SLC22A25: variants seen among roughly 807,000 people sequenced by gnomAD.
SLC22A25 encodes the protein solute carrier family 22 member 25.
A neutral mutation model predicts 45.9 loss-of-function variants in SLC22A25; 44 were observed. That is an observed-to-expected ratio of 0.96 (90% CI 0.75 to 1.23). The LOEUF (loss-of-function observed/expected upper bound fraction) is 1.23, where lower values mean the gene tolerates loss of function less well. Ranked by LOEUF, SLC22A25 falls within the 50% of genes most tolerant of loss-of-function variation. The pLI is 0.00. For missense variants in SLC22A25, 800 were observed against 666.4 expected, an observed-to-expected ratio of 1.20 and a Z score of -2.21; for synonymous variants, 283 against 238.6, an observed-to-expected ratio of 1.19 and a Z score of -1.72.
intron 3 of SLC22A25, among the ~76,000 whole-genome samples, chr11:63,236,655 C>T (rs1203416465): frequency 6.6e-6 from 1 of 152,004 alleles, no homozygotes; most frequent in Non-Finnish European, 1.5e-5. Context: ...CTGTCCTGCA[C>T]CCACTGTCCC....
chr11:63,226,142 G>A (rs558290498), intron 5 of SLC22A25, among the ~76,000 whole-genome samples: 19 of 151,996 alleles, frequency 1.3e-4, no homozygotes, highest in African/African-American at 4.1e-4. Flanking sequence ...TTGGTCCCTG[G>A]TACCTTATTT....
chr11:63,189,234 T>A (rs1276807279), intron 7 of SLC22A25, among the ~76,000 whole-genome samples: 1 of 152,208 alleles, frequency 6.6e-6, no homozygotes, highest in African/African-American at 2.4e-5. Flanking sequence ...TACTCCTGTA[T>A]TGGGCACATA....
intron 7 of SLC22A25, among the ~76,000 whole-genome samples, chr11:63,193,577 G>T (rs1490686811): frequency 6.6e-6 from 1 of 152,226 alleles, no homozygotes; most frequent in Non-Finnish European, 1.5e-5. Context: ...GGTCCTGATT[G>T]TTGGAAGGAA....
intron 7 of SLC22A25, among the ~76,000 whole-genome samples, chr11:63,215,860 A>G (rs111788187): frequency 0.037 from 5,663 of 152,206 alleles, 137 homozygotes; most frequent in Non-Finnish European, 0.056. Context: ...TTATAAGTGA[A>G]ACCATGTATT....
At chr11:63,201,207 C>T (rs1386595086) in intron 7 of SLC22A25, among the ~76,000 whole-genome samples, 1 of 152,108 alleles carries the variant, frequency 6.6e-6, no homozygotes, top group Non-Finnish European at 1.5e-5. Context: ...CAATCCTAAG[C>T]AAAAGAAATG....
At chr11:63,199,395 A>G (rs2089166839) in intron 7 of SLC22A25, among the ~76,000 whole-genome samples, 1 of 152,154 alleles carries the variant, frequency 6.6e-6, no homozygotes, top group Admixed American at 6.6e-5. Flanking sequence ...AAGCTCTGAA[A>G]TTGAGGCAGT....
rs2087622821 is a variant in SLC22A25 at position 63,164,758 on chromosome 11, C to T, written c.1286-124G>A. On this transcript the variant is annotated intron_variant, in intron 10 of 11. Transcript: ENST00000306494. ...AGGGGTAAAATGTACTGTAGGAAAA[C>T]TGCATAGAGGCAAAGAATGTGCAGT... 1.1e-5 allele frequency: 8 copies of T among 719,216 alleles called. No homozygotes were observed. In the Admixed American group the frequency reaches 1.2e-4, roughly 10 times the overall value. The allele number at this position is 719,216 out of a possible 1,614,324, so 44.6% of individuals were successfully genotyped here.
chr11:63,205,703 A>T (rs1015400273), intron 7 of SLC22A25, among the ~76,000 whole-genome samples: 1 of 152,226 alleles, frequency 6.6e-6, no homozygotes, highest in Non-Finnish European at 1.5e-5. Context: ...AGAAAGATTT[A>T]CAGCCGAATT....
At chr11:63,188,433 T>C (rs2134748431) in intron 7 of SLC22A25, among the ~76,000 whole-genome samples, 1 of 152,338 alleles carries the variant, frequency 6.6e-6, no homozygotes, top group Middle Eastern at 3.4e-3. Context: ...GATTCTTCTC[T>C]CTTTTCTTCT....
At chr11:63,201,103 A>G (rs1590854087) in intron 7 of SLC22A25, among the ~76,000 whole-genome samples, 1 of 152,208 alleles carries the variant, frequency 6.6e-6, no homozygotes, top group Non-Finnish European at 1.5e-5. Context: ...ATTCAATGCT[A>G]TTCCTATTCA....
In SLC22A25 at chr11:63,160,994, A is replaced by G. The variant is rs2087528832; in HGVS notation, c.*2830T>C. 6.6e-6 allele frequency among the ~76,000 whole-genome samples: 1 copy of G among 152,172 alleles called. No homozygotes were observed. The highest frequency in any genetic ancestry group is 3.2e-3 in the Middle Eastern group (1 of 316). On this transcript the variant is annotated 3_prime_UTR_variant, in exon 12 of 12. Coordinates refer to ENST00000306494, the MANE Select transcript of SLC22A25 (RefSeq NM_199352.6). ...CCCAACAGTTCCACTGCACCATTGT[A>G]TTAGTCCATTTTCAAGCTGCTGATA...
rs759142022 is a variant in SLC22A25, at chr11:63,183,669, C to T, written c.954+25G>A. The T allele has an allele frequency of 6.2e-6, 10 of 1,611,938 alleles. No homozygotes were observed. In the African/African-American group the frequency reaches 9.4e-5, roughly 15 times the overall value. Reference sequence around the variant, plus strand: ...GACAATTTATGTCTTCCCAGCATCCCATATCCAGCTCCCGTCTTGCTTACC... The same window carrying T: ...GACAATTTATGTCTTCCCAGCATCCTATATCCAGCTCCCGTCTTGCTTACC... On this transcript the variant is annotated intron_variant, in intron 8 of 11. Coordinates refer to ENST00000306494, the MANE Select transcript of SLC22A25 (RefSeq NM_199352.6).
At chr11:63,188,080 C>T (rs930835497) in intron 7 of SLC22A25, among the ~76,000 whole-genome samples, 7 of 152,282 alleles carry the variant, frequency 4.6e-5, no homozygotes, top group African/African-American at 1.7e-4. Flanking sequence ...AGGGAGGATT[C>T]CCTTTTCTTC....
rs193268459 is a variant in SLC22A25, at chr11:63,211,149, C to T, written c.830+6165G>A. On this transcript the variant is annotated intron_variant, in intron 7 of 11. Coordinates refer to ENST00000306494, the MANE Select transcript of SLC22A25 (RefSeq NM_199352.6). ...CCCCTGGACTTGCTGCAAACAGACCCCTGGGTGGTAGTAGAGCTTAACCCT... is the reference window on the plus strand; with the variant it reads ...CCCCTGGACTTGCTGCAAACAGACCTCTGGGTGGTAGTAGAGCTTAACCCT... Among the ~76,000 whole-genome samples, 56 of 152,228 alleles carry T rather than the reference C, an allele frequency of 3.7e-4. No homozygotes were observed. The East Asian group carries it at 9.8e-3, about 27-fold the overall frequency.
rs1479210175 is a variant in SLC22A25, at chr11:63,183,829, A to G, written c.831-12T>C. ...ACTCTGCCAGCCACCTGAGCAAAGAAGAGGACAGAGGTGCAGCCAACCACT... is the reference window on the plus strand; with the variant it reads ...ACTCTGCCAGCCACCTGAGCAAAGAGGAGGACAGAGGTGCAGCCAACCACT... On this transcript the variant is annotated splice_polypyrimidine_tract_variant and intron_variant, in intron 7 of 11. Coordinates refer to ENST00000306494, the MANE Select transcript of SLC22A25 (RefSeq NM_199352.6). 6.2e-7 allele frequency: 1 copy of G among 1,612,644 alleles called. No individual in the cohort carries two copies. The highest frequency in any genetic ancestry group is 8.5e-7 in the Non-Finnish European group (1 of 1,179,082).
At position 63,228,561 on chromosome 11, in the gene SLC22A25, C is replaced by T. The variant is rs990136084; in HGVS notation, c.406G>A (p.Asp136Asn). Reference protein sequence around the residue: ...SFPSTIVTKWDLVCESQPLNS... With the variant: ...SFPSTIVTKWNLVCESQPLNS... ...AGTGGTTGAGATTCGCATACCAGAT[C>T]CCACTGGAAGAAAAGGAAACCCTCA... Residue 136 changes from aspartate to asparagine, a missense_variant, in exon 5 of 12, where the codon GAT (aspartate) becomes AAT (asparagine). By Grantham distance (23) the Asp-to-Asn change is conservative. Coordinates refer to ENST00000306494, the MANE Select transcript of SLC22A25 (RefSeq NM_199352.6). The T allele has an allele frequency of 6.2e-7, 1 of 1,611,934 alleles. No homozygotes were observed. Among genetic ancestry groups the T allele is most frequent in the Admixed American group, 1.7e-5 (1 of 59,866 alleles).
In SLC22A25 at chr11:63,163,845, AG is replaced by A; in HGVS notation, c.1622del (p.Pro541LeufsTer27). The A allele has an allele frequency of 6.2e-7, 1 of 1,613,550 alleles. No homozygotes were observed. The highest frequency in any genetic ancestry group is 8.5e-7 in the Non-Finnish European group (1 of 1,179,716). ...ENEGVNSLAA[P>X]QRSSVL ...AGACCTATAGCACAGAGCTCCTCTG[AG>A]GGGCAGCTAGGCTATTTACTCCCTC... is the stretch of plus-strand genomic sequence containing the variant. On this transcript the variant is annotated frameshift_variant, in exon 12 of 12. Coordinates refer to ENST00000306494, the MANE Select transcript of SLC22A25 (RefSeq NM_199352.6). LOFTEE classifies it low-confidence loss of function (END_TRUNC).
At chr11:63,174,097 T>C (rs554749228) in intron 9 of SLC22A25, among the ~76,000 whole-genome samples, 1 of 152,214 alleles carries the variant, frequency 6.6e-6, no homozygotes, top group East Asian at 1.9e-4. Flanking sequence ...TTCGCCTCCC[T>C]GTGTCCATGT....
intron 5 of SLC22A25, among the ~76,000 whole-genome samples, chr11:63,221,120 T>C (rs951931875): frequency 6.6e-6 from 1 of 152,186 alleles, no homozygotes. Flanking sequence ...GCTATACTGA[T>C]TTCCTTTTTG....
Sources: gnomAD v4.1 joint callset for allele counts (sites outside exome capture counted in the v4.1 genomes callset) on GRCh38, gnomAD v4.1.1 for gene constraint, MANE v1.5 for transcripts, NCBI Gene and HGNC (gene_info 2026-07-23, HGNC 2026-07-21) for gene names.